The following CTNNA3 variants were observed in gnomAD, a reference collection of about 807,000 sequenced individuals.
CTNNA3 encodes catenin alpha 3.
CTNNA3 carries 76 observed loss-of-function variants against 95.7 expected under a neutral mutation model. That is an observed-to-expected ratio of 0.79 (90% CI 0.66 to 0.96). CTNNA3 has a LOEUF of 0.96. Ranked by LOEUF, CTNNA3 falls within the 40% of genes least tolerant of loss-of-function variation. CTNNA3 has a pLI of 0.00. For synonymous variants in CTNNA3, 431 were observed against 374.4 expected, an observed-to-expected ratio of 1.15 and a Z score of -1.74; for missense variants, 1,191 against 1,089.8, an observed-to-expected ratio of 1.09 and a Z score of -1.31.
chr10:67,150,759 C>T (rs889188304), intron 7 of CTNNA3, among the ~76,000 whole-genome samples: 3 of 152,084 alleles, frequency 2.0e-5, no homozygotes, highest in African/African-American at 7.2e-5. Flanking sequence ...GGACAGATTC[C>T]ATTATCTGTA....
At chr10:67,033,639 G>A (rs543371012) in intron 7 of CTNNA3, among the ~76,000 whole-genome samples, 20 of 152,218 alleles carry the variant, frequency 1.3e-4, no homozygotes, top group Non-Finnish European at 2.5e-4. Flanking sequence ...ACCCTATGAA[G>A]TTAGTACTAT....
At chr10:66,133,899 C>CAG (rs35078939) in intron 13 of CTNNA3, among the ~76,000 whole-genome samples, 126,048 of 151,936 alleles carry the variant, frequency 0.83, 52,461 homozygotes, top group South Asian at 0.92. Flanking sequence ...AAAAATCTAA[C>CAG]TTAATAGAAA....
chr10:67,448,549 A>T (rs1846842062), intron 5 of CTNNA3, among the ~76,000 whole-genome samples: 1 of 151,968 alleles, frequency 6.6e-6, no homozygotes, highest in Non-Finnish European at 1.5e-5. Flanking sequence ...TCAAAGAAGA[A>T]TGAATGAATG....
At chr10:66,301,840 A>G (rs1283585439) in intron 12 of CTNNA3, among the ~76,000 whole-genome samples, 1 of 152,064 alleles carries the variant, frequency 6.6e-6, no homozygotes, top group African/African-American at 2.4e-5. Context: ...CCACTAGTGA[A>G]TGTAATAAAC....
intron 9 of CTNNA3, among the ~76,000 whole-genome samples, chr10:66,701,559 T>A (rs932711179): frequency 1.3e-5 from 2 of 152,208 alleles, no homozygotes; most frequent in African/African-American, 4.8e-5. Context: ...ACATTTTGTG[T>A]ACAAGTCTTG....
chr10:67,163,251 T>C (rs1463076402), intron 7 of CTNNA3, among the ~76,000 whole-genome samples: 1 of 152,004 alleles, frequency 6.6e-6, no homozygotes, highest in African/African-American at 2.4e-5. Flanking sequence ...CATCCATATG[T>C]AAAATGAATT....
chr10:66,130,591 T>C (rs1230110481), intron 13 of CTNNA3, among the ~76,000 whole-genome samples: 2 of 151,858 alleles, frequency 1.3e-5, no homozygotes, highest in Non-Finnish European at 2.9e-5. Context: ...ACGCCTGTAA[T>C]CCCAGCACTT....
At chr10:66,446,048 C>G (rs1399222321) in intron 11 of CTNNA3, among the ~76,000 whole-genome samples, 1 of 151,732 alleles carries the variant, frequency 6.6e-6, no homozygotes, top group African/African-American at 2.4e-5. Context: ...ATTAACACCT[C>G]TAAGCAAATA....
In CTNNA3 at chr10:65,917,323, C is replaced by T. The variant is rs1181749220; in HGVS notation, c.*3007G>A. On this transcript the variant is annotated 3_prime_UTR_variant, in exon 18 of 18. Transcript: ENST00000433211. ...GACTCATTCAAGAACTATCCAGAAA[C>T]TGACTTAGAAACATTTTACTTCAAT... 6.6e-6 allele frequency: 1 copy of T among 152,064 alleles called. No individual in the cohort carries two copies. The highest frequency in any genetic ancestry group is 2.4e-5 in the African/African-American group (1 of 41,392). 9.4% of individuals were successfully genotyped at this position (152,064 alleles called of 1,614,324 possible).
chr10:67,557,487 G>T (rs1219890853), intron 3 of CTNNA3, among the ~76,000 whole-genome samples: 2 of 152,112 alleles, frequency 1.3e-5, no homozygotes, highest in African/African-American at 4.8e-5. Context: ...TACAGTGAGA[G>T]AACATATTGG....
chr10:66,847,274 T>G (rs1381483191), intron 7 of CTNNA3, among the ~76,000 whole-genome samples: 1 of 152,230 alleles, frequency 6.6e-6, no homozygotes, highest in Non-Finnish European at 1.5e-5. Context: ...GAACTTACTC[T>G]GCCACATTGT....
rs1341378781 is a variant in CTNNA3, at chr10:66,547,335, TTTTC to T, written c.1375-26566_1375-26563del. ...TATAACTTATTCTTGTTCCTTTGAT[TTTTC>T]TTTCTTTCTTTTTTTTTTTTTTGAG... is the stretch of plus-strand genomic sequence containing the variant. On this transcript the variant is annotated intron_variant, in intron 10 of 17. Coordinates refer to ENST00000433211, the MANE Select transcript of CTNNA3 (RefSeq NM_013266.4). Among the ~76,000 whole-genome samples the T allele has an allele frequency of 7.9e-5, 5 of 63,040 alleles. 1 individual carries two copies. The highest frequency in any genetic ancestry group is 1.1e-4 in the African/African-American group (2 of 18,718). The allele number at this position is 63,040 out of a possible 152,430, so 41.4% of individuals were successfully genotyped here.
At chr10:66,326,250 A>T (rs2092252772) in intron 12 of CTNNA3, among the ~76,000 whole-genome samples, 1 of 152,082 alleles carries the variant, frequency 6.6e-6, no homozygotes, top group Non-Finnish European at 1.5e-5. Context: ...GGACACTAAT[A>T]CTTGATCTAC....
At chr10:67,137,547 G>A (rs1475432225) in intron 7 of CTNNA3, among the ~76,000 whole-genome samples, 1 of 152,118 alleles carries the variant, frequency 6.6e-6, no homozygotes, top group Non-Finnish European at 1.5e-5. Flanking sequence ...TTTTAGTTTT[G>A]TAACAAATCA....
At chr10:66,253,464 C>T (rs1299100326) in intron 13 of CTNNA3, among the ~76,000 whole-genome samples, 3 of 152,052 alleles carry the variant, frequency 2.0e-5, no homozygotes, top group Non-Finnish European at 4.4e-5. Context: ...ATCCTTCTAA[C>T]TCCATTTACC....
intron 6 of CTNNA3, among the ~76,000 whole-genome samples, chr10:67,193,502 C>A (rs1263439181): frequency 4.0e-5 from 6 of 151,890 alleles, no homozygotes; most frequent in Admixed American, 6.6e-5. Context: ...CTCCTCCCAC[C>A]CTCCACCCTC....
intron 5 of CTNNA3, among the ~76,000 whole-genome samples, chr10:67,370,706 C>G (rs1387697101): frequency 6.6e-6 from 1 of 152,092 alleles, no homozygotes; most frequent in Non-Finnish European, 1.5e-5. Context: ...TTTAATGTGA[C>G]ATATGACATA....
chr10:67,585,489 T>G lies in CTNNA3; in HGVS notation c.292+21368A>C, dbSNP rs544592002. ...GGGCTTTTCTTTTGGGGGAGTTTTT[T>G]TATTACTAATTCAATATTGCTACTA... On this transcript the variant is annotated intron_variant, in intron 3 of 17. Coordinates refer to ENST00000433211, the MANE Select transcript of CTNNA3 (RefSeq NM_013266.4). 3.1e-4 allele frequency among the ~76,000 whole-genome samples: 47 copies of G among 152,266 alleles called. No homozygotes were observed. The South Asian group carries it at 9.1e-3, about 30-fold the overall frequency.
At chr10:66,762,736 T>G (rs1839650410) in intron 9 of CTNNA3, among the ~76,000 whole-genome samples, 1 of 152,038 alleles carries the variant, frequency 6.6e-6, no homozygotes, top group Non-Finnish European at 1.5e-5. Context: ...ATATTTCATT[T>G]TCTGCTTTGT....
Sources: allele counts gnomAD v4.1 joint callset (sites outside exome capture counted in the v4.1 genomes callset), GRCh38; gene constraint gnomAD v4.1.1; transcripts MANE v1.5; gene names NCBI Gene and HGNC (gene_info 2026-07-23, HGNC 2026-07-21).